SCLT1: variants seen among roughly 807,000 people sequenced by gnomAD.
SCLT1 encodes sodium channel and clathrin linker 1, also known as sodium channel-associated protein 1.
SCLT1 carries 78 observed loss-of-function variants against 112.8 expected under a neutral mutation model. The ratio of observed to expected loss-of-function variants is 0.69; its 90% CI spans 0.58 to 0.83. SCLT1 has a LOEUF of 0.83. Among genes scored for constraint, SCLT1 ranks in the 40% least tolerant of loss-of-function variants. The pLI, the probability that SCLT1 is intolerant of heterozygous loss-of-function variation, is 0.00. For missense variants in SCLT1, 747 were observed against 770.4 expected (o/e 0.97, Z 0.36); for synonymous variants, 257 against 254.7 (o/e 1.01, Z -0.09).
intron 4 of SCLT1, 71 bp from the exon 5 acceptor site, chr4:129,039,167 C>G (rs563988022): frequency 1.1e-6 from 1 of 891,828 alleles, no homozygotes; most frequent in Non-Finnish European, 1.9e-6. Context: ...AGACCACTCA[C>G]GTAAGCAATC....
intron 4 of SCLT1, among the ~76,000 whole-genome samples, chr4:129,042,924 T>A (rs971119099): frequency 1.3e-5 from 2 of 151,762 alleles, no homozygotes; most frequent in African/African-American, 4.8e-5. Context: ...AACACAAAAA[T>A]CAGCTGGGCA....
intron 6 of SCLT1, among the ~76,000 whole-genome samples, chr4:129,000,311 T>C (rs1743365006): frequency 1.3e-5 from 2 of 152,046 alleles, no homozygotes; most frequent in Non-Finnish European, 2.9e-5. Flanking sequence ...CATTCATGTT[T>C]ATAAATGTGA....
chr4:128,881,283 C>A (rs1305867269), downstream of SCLT1, among the ~76,000 whole-genome samples: 1 of 151,924 alleles, frequency 6.6e-6, no homozygotes, highest in Non-Finnish European at 1.5e-5. Context: ...AAGCTCATTA[C>A]AAATTTATTT....
chr4:128,954,120 C>A (rs1434403820), intron 13 of SCLT1, among the ~76,000 whole-genome samples: 2 of 151,952 alleles, frequency 1.3e-5, no homozygotes, highest in Non-Finnish European at 2.9e-5. Flanking sequence ...AATACTGATG[C>A]CAATAGTATA....
intron 18 of SCLT1, among the ~76,000 whole-genome samples, chr4:128,897,645 A>G (rs985651974): frequency 1.4e-4 from 22 of 152,224 alleles, no homozygotes; most frequent in Non-Finnish European, 3.1e-4. Flanking sequence ...TAACATCATA[A>G]TGACAGGATC....
intron 14 of SCLT1, 68 bp downstream of exon 14, chr4:128,952,701 A>C: frequency 2.3e-6 from 2 of 886,546 alleles, no homozygotes; most frequent in Non-Finnish European, 3.8e-6. Flanking sequence ...ATGAATCCCC[A>C]ATAGTATATA....
At chr4:129,036,920 A>T (rs571309678) in intron 5 of SCLT1, 1 of 152,056 alleles carries the variant, frequency 6.6e-6, no homozygotes, top group Admixed American at 6.5e-5. Context: ...AACTCAAAAA[A>T]TTTTGGATTT....
chr4:128,937,057 T>C (rs896563850), intron 17 of SCLT1, among the ~76,000 whole-genome samples: 1 of 152,046 alleles, frequency 6.6e-6, no homozygotes, highest in African/African-American at 2.4e-5. Context: ...GGTGGGCAGA[T>C]CACGAGGTCA....
At chr4:129,057,599 C>T (rs1749548599) in intron 2 of SCLT1, among the ~76,000 whole-genome samples, 1 of 148,854 alleles carries the variant, frequency 6.7e-6, no homozygotes, top group Non-Finnish European at 1.5e-5. Flanking sequence ...GACTCATTCT[C>T]ATTTCTCATA....
intron 3 of SCLT1, among the ~76,000 whole-genome samples, chr4:128,878,513 C>T (rs1732570418): frequency 6.6e-6 from 1 of 152,274 alleles, no homozygotes; most frequent in East Asian, 1.9e-4. Flanking sequence ...TCAGTTCCAT[C>T]CTTGGAGCTT....
intron 18 of SCLT1, among the ~76,000 whole-genome samples, chr4:128,891,584 GAT>G (rs1423653353): frequency 6.7e-6 from 1 of 149,324 alleles, no homozygotes; most frequent in Admixed American, 6.7e-5. Context: ...ATATTAAAAA[GAT>G]ACAGTATTTA....
intron 11 of SCLT1, among the ~76,000 whole-genome samples, chr4:128,962,702 C>T (rs1560899059): frequency 6.6e-6 from 1 of 152,174 alleles, no homozygotes; most frequent in East Asian, 1.9e-4. Flanking sequence ...GTTTATCCAC[C>T]TATGTAAAAC....
In SCLT1 at chr4:129,005,506, C is replaced by T. The variant is rs375529109; in HGVS notation, c.291-1630G>A. Among the ~76,000 whole-genome samples, 1,455 of 152,024 alleles carry T rather than the reference C, an allele frequency of 9.6e-3. 17 individuals carry two copies. The highest frequency in any genetic ancestry group is 0.028 in the African/African-American group (1,151 of 41,460). ...AGTTAGAATGGCAATCATTAAAAAG[C>T]CAGGAAACAACAGGTGCTGGAGAGG... On this transcript the variant is annotated intron_variant, in intron 5 of 20. Coordinates refer to ENST00000281142, the MANE Select transcript of SCLT1 (RefSeq NM_144643.4).
intron 9 of SCLT1, among the ~76,000 whole-genome samples, chr4:128,984,321 A>T (rs2126057174): frequency 6.6e-6 from 1 of 152,282 alleles, no homozygotes; most frequent in South Asian, 2.1e-4. Flanking sequence ...ACTGTCAGAG[A>T]GCCAGGCTTA....
At chr4:129,000,793 C>A (rs79802705) in intron 6 of SCLT1, among the ~76,000 whole-genome samples, 2 of 151,820 alleles carry the variant, frequency 1.3e-5, no homozygotes, top group Non-Finnish European at 2.9e-5. Flanking sequence ...AAAGCAAGTG[C>A]GCTTATGTAA....
intron 5 of SCLT1, among the ~76,000 whole-genome samples, chr4:129,029,961 C>G (rs1211591973): frequency 6.6e-6 from 1 of 152,000 alleles, no homozygotes. Context: ...CCAAGCGGAC[C>G]TAATAGACAT....
In SCLT1 at chr4:128,992,150, C is replaced by T. The variant is rs140543658; in HGVS notation, c.686+17G>A. On this transcript the variant is annotated intron_variant, in intron 9 of 20. Coordinates refer to ENST00000281142, the MANE Select transcript of SCLT1 (RefSeq NM_144643.4). ...AATAATTAACAATGAAATAATGAAA[C>T]TCATTTTTGAAAATACCTAAGTTTT... 1.2e-4 allele frequency: 178 copies of T among 1,484,142 alleles called. 1 individual carries two copies. The African/African-American group carries it at 2.3e-3, about 19-fold the overall frequency. 91.9% of individuals were successfully genotyped at this position (1,484,142 alleles called of 1,614,324 possible). A position where few individuals can be genotyped will look rare whatever the true frequency, so the allele number is the denominator to read the frequency against.
intron 18 of SCLT1, among the ~76,000 whole-genome samples, chr4:128,929,066 A>G (rs993246570): frequency 7.9e-5 from 12 of 152,336 alleles, no homozygotes; most frequent in African/African-American, 2.6e-4. Context: ...AAAGAGAAAC[A>G]AAACATACAG....
intron 8 of SCLT1, 58 bp from the exon 9 acceptor site, chr4:128,992,295 G>T: frequency 9.3e-7 from 1 of 1,074,034 alleles, no homozygotes; most frequent in Non-Finnish European, 1.4e-6. Context: ...TATCTTTAAA[G>T]ATGACACATC....
Sources: gnomAD v4.1 joint callset for allele counts (sites outside exome capture counted in the v4.1 genomes callset) on GRCh38, gnomAD v4.1.1 for gene constraint, MANE v1.5 for transcripts, NCBI Gene and HGNC (gene_info 2026-07-23, HGNC 2026-07-21) for gene names.